Variants in SEL1L3 observed in about 807,000 individuals in gnomAD.
SEL1L3 encodes the protein SEL1L family member 3, also known as protein sel-1 homolog 3.
SEL1L3 carries 76 observed loss-of-function variants against 142.8 expected under a neutral mutation model. The ratio of observed to expected loss-of-function variants is 0.53; its 90% confidence interval spans 0.44 to 0.64. SEL1L3 has a LOEUF of 0.64. Ranked by LOEUF, SEL1L3 falls within the 30% of genes least tolerant of loss-of-function variation. The probability of loss-of-function intolerance (pLI) is 0.00; values close to 1 mark genes in which losing one functional copy is unlikely to be tolerated. For synonymous variants in SEL1L3, 504 were observed against 519.6 expected, an observed-to-expected ratio of 0.97 and a Z score of 0.41; for missense variants, 1,262 against 1,381.7, an observed-to-expected ratio of 0.91 and a Z score of 1.37.
At chr4:25,862,418 C>A (rs868222677) in intron 1 of SEL1L3, among the ~76,000 whole-genome samples, 17 of 152,108 alleles carry the variant, frequency 1.1e-4, no homozygotes, top group African/African-American at 4.1e-4. Context: ...GTAACCCGAC[C>A]CGGGTCTAGA....
chr4:25,856,867 C>A (rs1324224338), intron 1 of SEL1L3, among the ~76,000 whole-genome samples: 1 of 152,186 alleles, frequency 6.6e-6, no homozygotes, highest in Non-Finnish European at 1.5e-5. Context: ...TGGCTTTGTT[C>A]TCTATCTGGT....
Position 25,756,018 on chromosome 4 carries a change from C to T in SEL1L3, c.3259+1516G>A, listed in dbSNP as rs890029994. The T allele has an allele frequency of 2.9e-5, 29 of 985,294 alleles. No homozygotes were observed. The African/African-American group carries it at 4.4e-4, about 15-fold the overall frequency. 61.0% of individuals were successfully genotyped at this position (985,294 alleles called of 1,614,324 possible). A position where few individuals can be genotyped will look rare whatever the true frequency, so the allele number is the denominator to read the frequency against. On this transcript the variant is annotated intron_variant, in intron 23 of 23. Coordinates refer to ENST00000399878, the MANE Select transcript of SEL1L3 (RefSeq NM_015187.5). ...GGTTTTGATGGGTCCTTGTTAACCT[C>T]CTCAGGTAAATCAGAGAGAAATGAT... is the stretch of plus-strand genomic sequence containing the variant.
In SEL1L3 at chr4:25,748,364, C is replaced by A; in HGVS notation, c.*61G>T. On this transcript the variant is annotated 3_prime_UTR_variant, in exon 24 of 24. Coordinates refer to ENST00000399878, the MANE Select transcript of SEL1L3 (RefSeq NM_015187.5). ...TATCAGGATCATGCCCTGGCCCCAG[C>A]TTCCCAATACCAGCTGTTGAAAAGA... The A allele has an allele frequency of 6.6e-7, 1 of 1,514,656 alleles. No homozygotes were observed. The highest frequency in any genetic ancestry group is 8.9e-7 in the Non-Finnish European group (1 of 1,118,652). 93.8% of individuals were successfully genotyped at this position (1,514,656 alleles called of 1,614,324 possible). A position where few individuals can be genotyped will look rare whatever the true frequency, so the allele number is the denominator to read the frequency against.
At chr4:25,783,057 C>G (rs1255239084) in intron 14 of SEL1L3, among the ~76,000 whole-genome samples, 1 of 152,182 alleles carries the variant, frequency 6.6e-6, no homozygotes, top group Middle Eastern at 3.2e-3. Context: ...CATTACTTAC[C>G]TAAGCTCTGT....
chr4:25,768,278 G>T (rs548671490), intron 17 of SEL1L3, among the ~76,000 whole-genome samples: 1 of 152,218 alleles, frequency 6.6e-6, no homozygotes, highest in African/African-American at 2.4e-5. Flanking sequence ...TGCATTAGAA[G>T]TTTGGCAAAG....
intron 11 of SEL1L3, among the ~76,000 whole-genome samples, chr4:25,797,328 T>C (rs1712841994): frequency 6.6e-6 from 1 of 152,140 alleles, no homozygotes; most frequent in Non-Finnish European, 1.5e-5. Flanking sequence ...AACAGGCAGT[T>C]GTGGAGCCTG....
Position 25,788,810 on chromosome 4 carries a change from C to G in SEL1L3, c.2077-446G>C, listed in dbSNP as rs1372469442. 6.6e-6 allele frequency among the ~76,000 whole-genome samples: 1 copy of G among 152,106 alleles called. No homozygotes were observed. The highest frequency in any genetic ancestry group is 1.5e-5 in the Non-Finnish European group (1 of 68,024). On this transcript the variant is annotated intron_variant, in intron 12 of 23. Coordinates refer to ENST00000399878, the MANE Select transcript of SEL1L3 (RefSeq NM_015187.5). The surrounding 1 kb of genome is among the most constrained non-coding windows in gnomAD (Gnocchi z 5.3). The stretch of plus-strand genomic sequence containing the variant: ...CTCATCTTATCATTTGTCTACATGG[C>G]TGGCTCCAACATCAGACTGGAGGCT...
downstream of SEL1L3, among the ~76,000 whole-genome samples, chr4:25,742,770 A>T (rs6823489): frequency 0.71 from 107,484 of 151,594 alleles, 38,103 homozygotes; most frequent in Middle Eastern, 0.76. Context: ...TAATTTTTTT[A>T]AATTGGCATT....
At chr4:25,729,905 A>G in the SEL1L3 span, among the ~76,000 whole-genome samples, 1 of 150,626 alleles carries the variant, frequency 6.6e-6, no homozygotes, top group Non-Finnish European at 1.5e-5. Flanking sequence ...TTTTAAGTTG[A>G]CATCTTTCTT....
intron 23 of SEL1L3, 56 bp downstream of exon 23, chr4:25,757,478 A>T: frequency 1.9e-6 from 2 of 1,065,442 alleles, no homozygotes; most frequent in Non-Finnish European, 2.6e-6. Flanking sequence ...AAAAAAAAAA[A>T]AATCCCTGCT....
intron 1 of SEL1L3, among the ~76,000 whole-genome samples, chr4:25,859,534 G>A (rs776350851): frequency 5.9e-5 from 9 of 152,192 alleles, no homozygotes; most frequent in Non-Finnish European, 1.2e-4. Context: ...CAGGAAGCAT[G>A]CTCCCTGTGA....
intron 1 of SEL1L3, among the ~76,000 whole-genome samples, chr4:25,862,336 C>A (rs2109334647): frequency 7.8e-6 from 1 of 128,352 alleles, no homozygotes; most frequent in Admixed American, 8.0e-5. Flanking sequence ...AGACTGCGCG[C>A]GGCGGGGCGG....
intron 6 of SEL1L3, among the ~76,000 whole-genome samples, chr4:25,822,938 G>A (rs1009637685): frequency 4.6e-5 from 7 of 152,174 alleles, no homozygotes; most frequent in Non-Finnish European, 1.0e-4. Flanking sequence ...AAGGGACAAA[G>A]GAACCTGGAG....
intron 23 of SEL1L3, among the ~76,000 whole-genome samples, chr4:25,753,133 G>A (rs574056080): frequency 2.8e-4 from 42 of 152,336 alleles, no homozygotes; most frequent in Admixed American, 2.2e-3. Context: ...CGTCCTGCGC[G>A]GCTAGCCTTC....
intron 8 of SEL1L3, 57 bp downstream of exon 8, chr4:25,819,746 CAAACA>C: frequency 2.0e-6 from 3 of 1,514,444 alleles, no homozygotes; most frequent in Non-Finnish European, 2.7e-6. Context: ...ATGGAGAAGC[CAAACA>C]TGTGTTTATG....
chr4:25,740,112 T>C, the SEL1L3 span, among the ~76,000 whole-genome samples: 619 of 152,016 alleles, frequency 4.1e-3, 7 homozygotes, highest in African/African-American at 0.014. Context: ...TTCTAACCTT[T>C]TCAACATATC....
the SEL1L3 span, chr4:25,719,218 C>T: frequency 6.6e-6 from 1 of 152,032 alleles, no homozygotes. Flanking sequence ...TTATTACTAG[C>T]ATATTTAGTG....
chr4:25,862,493 G>T (rs138583746), intron 1 of SEL1L3, among the ~76,000 whole-genome samples, 182 bp downstream of exon 1: 2 of 152,124 alleles, frequency 1.3e-5, no homozygotes, highest in East Asian at 3.9e-4. Flanking sequence ...CGGTCCAAGC[G>T]CCCCTCTCCA....
At chr4:25,714,577 CT>C in the SEL1L3 span, among the ~76,000 whole-genome samples, 5,873 of 100,424 alleles carry the variant, frequency 0.058, 195 homozygotes, top group African/African-American at 0.13. Flanking sequence ...CCTTCTTTTT[CT>C]TTTTTTTTTT....
Sources: gnomAD v4.1 joint callset for allele counts (sites outside exome capture counted in the v4.1 genomes callset) on GRCh38, gnomAD v4.1.1 for gene constraint, Gnocchi (gnomAD v3.1) non-coding constraint, MANE v1.5 for transcripts, NCBI Gene and HGNC (gene_info 2026-07-23, HGNC 2026-07-21) for gene names.